LMBR1: variants seen among roughly 807,000 people sequenced by gnomAD.
The protein encoded by LMBR1 is limb development membrane protein 1.
In LMBR1, 52 loss-of-function variants were observed where a neutral mutation model predicts 73.9. The ratio of observed to expected loss-of-function variants is 0.70; its 90% confidence interval spans 0.56 to 0.89. The LOEUF (loss-of-function observed/expected upper bound fraction) is 0.89, where lower values mean the gene tolerates loss of function less well. Ranked by LOEUF, LMBR1 falls within the 40% of genes least tolerant of loss-of-function variation. The probability of loss-of-function intolerance (pLI) is 0.00; values close to 1 mark genes in which losing one functional copy is unlikely to be tolerated. For synonymous variants in LMBR1, 215 were observed against 209.4 expected (o/e 1.03, Z -0.23); for missense variants, 539 against 579.8 (o/e 0.93, Z 0.72).
intron 4 of LMBR1, among the ~76,000 whole-genome samples, chr7:156,812,249 G>A (rs1382181261): frequency 6.6e-6 from 1 of 152,122 alleles, no homozygotes; most frequent in African/African-American, 2.4e-5. Flanking sequence ...AAGACAGCAA[G>A]ACCATTTTGG....
At chr7:156,700,775 C>A (rs972635903) in intron 15 of LMBR1, among the ~76,000 whole-genome samples, 2 of 152,186 alleles carry the variant, frequency 1.3e-5, no homozygotes, top group African/African-American at 4.8e-5. Context: ...AAAGTCGCTT[C>A]CATATTTTCA....
At chr7:156,773,629 G>C (rs930120761) in intron 5 of LMBR1, among the ~76,000 whole-genome samples, 1 of 152,078 alleles carries the variant, frequency 6.6e-6, no homozygotes, top group Non-Finnish European at 1.5e-5. Context: ...AATGGTACTG[G>C]GATAACTAGC....
chr7:156,873,604 T>C (rs935478425), intron 1 of LMBR1, among the ~76,000 whole-genome samples: 58 of 152,000 alleles, frequency 3.8e-4, no homozygotes, highest in African/African-American at 1.4e-3. Context: ...CTGAGCTAGA[T>C]ACAAAGGTTC....
At chr7:156,809,832 C>T (rs752752174) in intron 4 of LMBR1, among the ~76,000 whole-genome samples, 26 of 152,240 alleles carry the variant, frequency 1.7e-4, no homozygotes, top group Non-Finnish European at 1.3e-4. Flanking sequence ...TGATTTTGAG[C>T]CATCAGATTA....
At chr7:156,837,261 G>A (rs1184233195) in intron 1 of LMBR1, among the ~76,000 whole-genome samples, 1 of 151,194 alleles carries the variant, frequency 6.6e-6, no homozygotes, top group Non-Finnish European at 1.5e-5. Flanking sequence ...CTTCAACGCA[G>A]GAGGCGGAGG....
At chr7:156,759,092 AAAAAT>A (rs1822480072) in intron 8 of LMBR1, among the ~76,000 whole-genome samples, 1 of 152,254 alleles carries the variant, frequency 6.6e-6, no homozygotes, top group South Asian at 2.1e-4. Context: ...GATGAATTTA[AAAAAT>A]AATTAGAAGA....
chr7:156,892,618 A>C (rs12533996), intron 1 of LMBR1: 7,883 of 252,386 alleles, frequency 0.031, 219 homozygotes, highest in Admixed American at 0.044. Context: ...AGGGAAGGGC[A>C]GCACCGAGGC....
intron 15 of LMBR1, among the ~76,000 whole-genome samples, chr7:156,706,173 A>G (rs763770520): frequency 1.3e-5 from 2 of 151,186 alleles, no homozygotes. Context: ...AAAAAAAAAG[A>G]CAACAAAGGT....
chr7:156,766,439 T>C (rs1824098819), intron 5 of LMBR1, among the ~76,000 whole-genome samples: 1 of 152,150 alleles, frequency 6.6e-6, no homozygotes, highest in Admixed American at 6.5e-5. Context: ...GTGCTGTGCA[T>C]AACCAAGTCC....
intron 3 of LMBR1, among the ~76,000 whole-genome samples, chr7:156,831,275 ATTT>A (rs10633275): frequency 3.9e-5 from 5 of 127,982 alleles, no homozygotes; most frequent in African/African-American, 6.0e-5. Flanking sequence ...CCTACCCTAG[ATTT>A]TTTTTTTTTT....
intron 15 of LMBR1, among the ~76,000 whole-genome samples, chr7:156,699,127 G>A (rs1809026740): frequency 6.6e-6 from 1 of 152,134 alleles, no homozygotes; most frequent in African/African-American, 2.4e-5. Flanking sequence ...GGGGCAAAAT[G>A]CCACCAGTCT....
At chr7:156,816,169 G>C (rs1210948260) in intron 4 of LMBR1, among the ~76,000 whole-genome samples, 1 of 151,896 alleles carries the variant, frequency 6.6e-6, no homozygotes, top group Admixed American at 6.6e-5. Flanking sequence ...TTTATCAAAA[G>C]CTAAATGAAA....
chr7:156,703,476 T>C (rs1431800031), intron 15 of LMBR1, among the ~76,000 whole-genome samples: 2 of 152,070 alleles, frequency 1.3e-5, no homozygotes, highest in African/African-American at 4.8e-5. Flanking sequence ...TGCAAACTTC[T>C]AGGACTGACT....
intron 1 of LMBR1, among the ~76,000 whole-genome samples, chr7:156,849,012 C>A (rs568974468): frequency 1.8e-4 from 28 of 151,578 alleles, no homozygotes; most frequent in Middle Eastern, 3.5e-3. Context: ...TGGCTACAGA[C>A]CCGAAGGAAT....
intron 15 of LMBR1, among the ~76,000 whole-genome samples, chr7:156,720,259 G>GA (rs1814244348): frequency 1.3e-5 from 2 of 152,066 alleles, no homozygotes; most frequent in South Asian, 4.2e-4. Context: ...AAATTTACAA[G>GA]AAAAAAACAA....
At chr7:156,848,655 G>A (rs1448969950) in intron 1 of LMBR1, among the ~76,000 whole-genome samples, 1 of 152,102 alleles carries the variant, frequency 6.6e-6, no homozygotes, top group Non-Finnish European at 1.5e-5. Context: ...ATACTGGCTG[G>A]GCATGGTGAC....
intron 15 of LMBR1, among the ~76,000 whole-genome samples, chr7:156,698,773 G>C (rs1402503576): frequency 6.6e-6 from 1 of 152,110 alleles, no homozygotes; most frequent in African/African-American, 2.4e-5. Flanking sequence ...TGCCGTAAAG[G>C]TTTCTGACAT....
At chr7:156,807,577 A>C (rs1413002164) in intron 4 of LMBR1, among the ~76,000 whole-genome samples, 3 of 151,916 alleles carry the variant, frequency 2.0e-5, no homozygotes, top group African/African-American at 7.3e-5. Context: ...TTTTTTGCTG[A>C]TCATTCTGGC....
chr7:156,684,468 C>T (rs552850026), intron 16 of LMBR1, among the ~76,000 whole-genome samples: 2 of 152,272 alleles, frequency 1.3e-5, no homozygotes, highest in South Asian at 4.1e-4. Flanking sequence ...ATCGAAGTCA[C>T]AACATCCCCG....
Sources: gnomAD v4.1 joint callset for allele counts (sites outside exome capture counted in the v4.1 genomes callset) on GRCh38, gnomAD v4.1.1 for gene constraint, MANE v1.5 for transcripts, NCBI Gene and HGNC (gene_info 2026-07-23, HGNC 2026-07-21) for gene names.